Variants in TRAPPC9 observed in about 807,000 individuals in gnomAD.
TRAPPC9 encodes IKK2 binding protein.
A neutral mutation model predicts 124.0 loss-of-function variants in TRAPPC9; 83 were observed. That is an observed-to-expected ratio of 0.67 (90% CI 0.56 to 0.80). The LOEUF (loss-of-function observed/expected upper bound fraction) is 0.80, where lower values mean the gene tolerates loss of function less well. Ranked by LOEUF, TRAPPC9 falls within the 30% of genes least tolerant of loss-of-function variation. The probability of loss-of-function intolerance (pLI) is 0.00; values close to 1 mark genes in which losing one functional copy is unlikely to be tolerated. For missense variants in TRAPPC9, 1,302 were observed against 1,508.3 expected, an observed-to-expected ratio of 0.86 and a Z score of 2.27; for synonymous variants, 638 against 617.5, an observed-to-expected ratio of 1.03 and a Z score of -0.49.
chr8:140,397,666 T>C lies in TRAPPC9; in HGVS notation c.1088A>G (p.Glu363Gly). Residue 363 changes from glutamate (E) to glycine (G), a missense_variant, in exon 7 of 23, where the codon GAA (glutamate) becomes GGA (glycine). Around this residue, in one of 3 missense-constraint regions of TRAPPC9, gnomAD observed 657 missense variants for 811.2 expected, o/e 0.81. Coordinates refer to ENST00000438773, the MANE Select transcript of TRAPPC9 (RefSeq NM_001160372.4). ...RVLAIQKRSMEASEFLQNAVY... is the reference protein window; with the variant it reads ...RVLAIQKRSMGASEFLQNAVY... ...TGCATTCTGAAGAAATTCTGATGCT[T>C]CCATGCTCCGTTTCTGAATTGCAAG... 6.2e-7 allele frequency: 1 copy of C among 1,614,208 alleles called. No homozygotes were observed. The highest frequency in any genetic ancestry group is 8.5e-7 in the Non-Finnish European group (1 of 1,180,032).
At chr8:140,178,416 ATACT>A (rs1818019921) in intron 17 of TRAPPC9, among the ~76,000 whole-genome samples, 1 of 152,130 alleles carries the variant, frequency 6.6e-6, no homozygotes, top group African/African-American at 2.4e-5. Flanking sequence ...TGAAATTTGA[ATACT>A]TAACCAGCCT....
At chr8:139,916,751 T>G (rs1832159962) in intron 19 of TRAPPC9, 1 of 152,266 alleles carries the variant, frequency 6.6e-6, no homozygotes, top group Non-Finnish European at 1.5e-5. Context: ...CCAGATCATA[T>G]GATTCAGTCT....
chr8:140,022,549 G>A (rs953924150), intron 18 of TRAPPC9, among the ~76,000 whole-genome samples: 13 of 152,130 alleles, frequency 8.5e-5, no homozygotes, highest in African/African-American at 2.7e-4. Flanking sequence ...AAAAAAAGAC[G>A]AACTCAGCTG....
At chr8:139,837,810 C>T (rs796380076) in intron 21 of TRAPPC9, among the ~76,000 whole-genome samples, 17 of 152,308 alleles carry the variant, frequency 1.1e-4, no homozygotes, top group African/African-American at 3.4e-4. Context: ...CACTTGCCAC[C>T]GAGATTCTCC....
chr8:140,445,986 A>C (rs921940491), intron 2 of TRAPPC9, among the ~76,000 whole-genome samples: 2 of 152,248 alleles, frequency 1.3e-5, no homozygotes, highest in Admixed American at 1.3e-4. Context: ...AGTGAGGGAC[A>C]TTAGCGTCAA....
At chr8:139,773,157 C>A (rs1821102499) in intron 21 of TRAPPC9, among the ~76,000 whole-genome samples, 1 of 152,216 alleles carries the variant, frequency 6.6e-6, no homozygotes, top group Non-Finnish European at 1.5e-5. Context: ...CGTGGCTGCA[C>A]CTACCCAGCA....
At chr8:140,147,371 C>T (rs2061478709) in intron 17 of TRAPPC9, among the ~76,000 whole-genome samples, 1 of 152,220 alleles carries the variant, frequency 6.6e-6, no homozygotes, top group African/African-American at 2.4e-5. Context: ...AGCACAAACG[C>T]TCCTAGCACA....
At chr8:140,007,476 A>G (rs1048320314) in intron 18 of TRAPPC9, among the ~76,000 whole-genome samples, 1 of 152,264 alleles carries the variant, frequency 6.6e-6, no homozygotes, top group African/African-American at 2.4e-5. Flanking sequence ...AAGTACTTGC[A>G]AATAACAACC....
chr8:140,199,563 TCTGCTC>T (rs2062743935), intron 17 of TRAPPC9, among the ~76,000 whole-genome samples: 2 of 504 alleles, frequency 4.0e-3, no homozygotes, highest in African/African-American at 0.011. Flanking sequence ...TCAATAAATA[TCTGCTC>T]CTACGCCCCC....
rs1372594766 is a variant in TRAPPC9 at position 139,895,199 on chromosome 8, G to A, written c.2965-9230C>T. Among the ~76,000 whole-genome samples the A allele has an allele frequency of 2.0e-5, 3 of 152,206 alleles. No individual in the cohort carries two copies. The East Asian group carries it at 5.8e-4, about 29-fold the overall frequency. On this transcript the variant is annotated intron_variant, in intron 20 of 22. Coordinates refer to ENST00000438773, the MANE Select transcript of TRAPPC9 (RefSeq NM_001160372.4). ...CCGTCTGCCAGACTGGTAACAATAT[G>A]GAAGTGGAAAAGCATCCCTGTTGAC...
intron 5 of TRAPPC9, among the ~76,000 whole-genome samples, chr8:140,422,618 G>C (rs912732123): frequency 2.0e-5 from 3 of 151,914 alleles, no homozygotes; most frequent in African/African-American, 7.3e-5. Flanking sequence ...GCCGGGCGTG[G>C]TGGCATGTGT....
At chr8:139,882,604 T>C (rs1829739486) in intron 21 of TRAPPC9, among the ~76,000 whole-genome samples, 1 of 152,180 alleles carries the variant, frequency 6.6e-6, no homozygotes, top group African/African-American at 2.4e-5. Flanking sequence ...TGCGCAGGCC[T>C]GGTCCCACCA....
chr8:140,435,165 C>T lies in TRAPPC9; in HGVS notation c.806G>A (p.Arg269Gln), dbSNP rs1161800974. ...AGGAAGGGTGCTGCCCTGGAACCTC[C>T]GAGCTCCACTCTTCCCACCAGTTCC... Reference protein sequence around the residue: ...PGGTGGKSGARRFQGSTLPAE... With the variant: ...PGGTGGKSGAQRFQGSTLPAE... The change falls in exon 4 of 23, where the codon CGG (arginine) becomes CAG (glutamine). Residue 269 changes from arginine (R) to glutamine (Q), a missense_variant. Physicochemically the swap from Arg to Gln is conservative, Grantham distance 43. Around this residue, in one of 3 missense-constraint regions of TRAPPC9, gnomAD observed 657 missense variants for 811.2 expected, o/e 0.81. Transcript: ENST00000438773. 1.2e-6 allele frequency: 2 copies of T among 1,613,880 alleles called. No individual in the cohort carries two copies. Among genetic ancestry groups the T allele is most frequent in the Admixed American group, 1.7e-5 (1 of 59,982 alleles).
At chr8:140,202,422 A>G (rs903820582) in intron 17 of TRAPPC9, among the ~76,000 whole-genome samples, 6 of 152,116 alleles carry the variant, frequency 3.9e-5, no homozygotes, top group Admixed American at 2.6e-4. Flanking sequence ...GTAAAGGGGG[A>G]AAAAAAGTAG....
In TRAPPC9 at chr8:140,010,373, A is replaced by G. The variant is rs557105095; in HGVS notation, c.2699+13564T>C. Among the ~76,000 whole-genome samples, 6 of 152,356 alleles carry G rather than the reference A, an allele frequency of 3.9e-5. No individual in the cohort carries two copies. In the East Asian group the frequency reaches 7.7e-4, roughly 20 times the overall value. The stretch of plus-strand genomic sequence containing the variant: ...TTTTACTGAAGCCCGAATGAAGCCA[A>G]TAAGAACAAAATAATTTTACTAAAA... On this transcript the variant is annotated intron_variant, in intron 18 of 22. Coordinates refer to ENST00000438773, the MANE Select transcript of TRAPPC9 (RefSeq NM_001160372.4).
At chr8:139,763,609 AACACACAC>A (rs10543406) in intron 21 of TRAPPC9, among the ~76,000 whole-genome samples, 7 of 151,128 alleles carry the variant, frequency 4.6e-5, no homozygotes, top group Admixed American at 1.3e-4. Flanking sequence ...CATGCACATA[AACACACAC>A]ACACACACAC....
chr8:140,116,452 T>C (rs1450282521), intron 17 of TRAPPC9, among the ~76,000 whole-genome samples: 2 of 152,202 alleles, frequency 1.3e-5, no homozygotes, highest in Admixed American at 6.5e-5. Flanking sequence ...AGCAGCCAAC[T>C]AAGCACTCAT....
intron 17 of TRAPPC9, among the ~76,000 whole-genome samples, chr8:140,149,710 T>C (rs1191923080): frequency 6.6e-6 from 1 of 152,082 alleles, no homozygotes; most frequent in African/African-American, 2.4e-5. Context: ...CTCTACCACA[T>C]GGGGCTGCTG....
intron 21 of TRAPPC9, among the ~76,000 whole-genome samples, chr8:139,832,478 G>T (rs1826057784): frequency 6.6e-6 from 1 of 152,218 alleles, no homozygotes; most frequent in South Asian, 2.1e-4. Flanking sequence ...GAGGCTGGTG[G>T]GGGTGGGAGA....
Sources: allele counts gnomAD v4.1 joint callset (sites outside exome capture counted in the v4.1 genomes callset), GRCh38; gene constraint gnomAD v4.1.1; regional missense constraint gnomAD v4.1.1; transcripts MANE v1.5; gene names NCBI Gene and HGNC (gene_info 2026-07-23, HGNC 2026-07-21).